Variants in PDE4D observed in about 807,000 individuals in gnomAD.
The protein encoded by PDE4D is 3',5'-cyclic-AMP phosphodiesterase 4D.
Under a neutral mutation model 87.4 loss-of-function variants are expected in PDE4D, and 24 were observed. The observed-to-expected ratio is 0.27, with a 90% CI of 0.20 to 0.39. PDE4D has a LOEUF of 0.39. Among genes scored for constraint, PDE4D ranks in the 10% least tolerant of loss-of-function variants. PDE4D has a pLI of 1.00. For synonymous variants in PDE4D, 384 were observed against 383.2 expected, an observed-to-expected ratio of 1.00 and a Z score of -0.02; for missense variants, 714 against 1,041.0, an observed-to-expected ratio of 0.69 and a Z score of 4.32.
At chr5:59,422,798 G>A (rs1161836578) in intron 1 of PDE4D, among the ~76,000 whole-genome samples, 1 of 152,158 alleles carries the variant, frequency 6.6e-6, no homozygotes, top group Admixed American at 6.5e-5. Flanking sequence ...ATGGATAAAT[G>A]CTGAACTGAT....
At chr5:59,339,949 TAA>T (rs572252229) in intron 1 of PDE4D, among the ~76,000 whole-genome samples, 1 of 144,908 alleles carries the variant, frequency 6.9e-6, no homozygotes. Context: ...TTGTTTTGTT[TAA>T]AAAAAAAAAA....
chr5:60,228,359 T>C (rs1312203505), intron 1 of PDE4D, among the ~76,000 whole-genome samples: 1 of 152,130 alleles, frequency 6.6e-6, no homozygotes, highest in African/African-American at 2.4e-5. Context: ...GCCCTACTAA[T>C]AGGAACTAGG....
rs183615223 is a variant in PDE4D at position 59,255,427 on chromosome 5, T to C, written c.456-39459A>G. On this transcript the variant is annotated intron_variant, in intron 1 of 14. Coordinates refer to ENST00000340635, the MANE Select transcript of PDE4D (RefSeq NM_001104631.2). ...TGGGGTGGAAGGGAGGCAGGTGATA[T>C]GGAGCAGGTAATGGGGGAGATGGAG... Among the ~76,000 whole-genome samples, 3 of 152,126 alleles carry C rather than the reference T, an allele frequency of 2.0e-5. No homozygotes were observed. In the South Asian group the frequency reaches 6.2e-4, roughly 32 times the overall value.
chr5:59,217,799 G>T (rs1178491030), intron 1 of PDE4D, among the ~76,000 whole-genome samples: 1 of 152,154 alleles, frequency 6.6e-6, no homozygotes, highest in Non-Finnish European at 1.5e-5. Context: ...CACCAGAATA[G>T]GATAGGCACA....
At chr5:59,489,400 T>C (rs886697214) in intron 1 of PDE4D, among the ~76,000 whole-genome samples, 13 of 152,216 alleles carry the variant, frequency 8.5e-5, no homozygotes, top group African/African-American at 3.1e-4. Flanking sequence ...AGACAGTAAT[T>C]AGTTTCTTTC....
intron 1 of PDE4D, among the ~76,000 whole-genome samples, chr5:59,379,461 C>A (rs1358176424): frequency 6.6e-6 from 1 of 151,452 alleles, no homozygotes; most frequent in Non-Finnish European, 1.5e-5. Flanking sequence ...GTAAATCTGG[C>A]TCATTTTCTT....
intron 2 of PDE4D, among the ~76,000 whole-genome samples, chr5:60,007,529 T>C (rs1202613246): frequency 6.6e-6 from 1 of 152,002 alleles, no homozygotes; most frequent in Non-Finnish European, 1.5e-5. Flanking sequence ...ATACCATAAA[T>C]AAATAACTGG....
intron 1 of PDE4D, among the ~76,000 whole-genome samples, chr5:60,252,728 A>G (rs1748616628): frequency 6.6e-6 from 1 of 151,802 alleles, no homozygotes; most frequent in Admixed American, 6.6e-5. Flanking sequence ...AGAGAGCAGG[A>G]ACTGTCTAGA....
intron 2 of PDE4D, among the ~76,000 whole-genome samples, chr5:60,084,620 C>T (rs1055326208): frequency 1.3e-5 from 2 of 152,314 alleles, no homozygotes; most frequent in South Asian, 2.1e-4. Context: ...TACAGAGCAA[C>T]TACTTAAAAG....
At chr5:60,193,462 A>G (rs1785358339) in intron 1 of PDE4D, among the ~76,000 whole-genome samples, 1 of 152,046 alleles carries the variant, frequency 6.6e-6, no homozygotes, top group African/African-American at 2.4e-5. Context: ...CGAGGTCAGG[A>G]GATCGAGACC....
At chr5:59,989,728 T>C (rs974640259) in intron 2 of PDE4D, among the ~76,000 whole-genome samples, 1 of 152,160 alleles carries the variant, frequency 6.6e-6, no homozygotes, top group Non-Finnish European at 1.5e-5. Flanking sequence ...TACTATCACA[T>C]GAGCAATAAT....
chr5:58,975,161 C>T lies in PDE4D; in HGVS notation c.2014-81G>A, dbSNP rs765918890. On this transcript the variant is annotated intron_variant, in intron 14 of 14. Transcript: ENST00000340635. The surrounding 1 kb of genome is among the most constrained non-coding windows in gnomAD (Gnocchi z 4.2). ...AAAAGCTTAATTAGATCATGGCCCA[C>T]AAATAAAACACTGAACAGAAGACTA... 238 of 783,958 alleles carry T rather than the reference C, an allele frequency of 3.0e-4. No individual in the cohort carries two copies. Among genetic ancestry groups the T allele is most frequent in the Non-Finnish European group, 4.4e-4 (233 of 530,314 alleles). 48.6% of individuals were successfully genotyped at this position (783,958 alleles called of 1,614,324 possible).
chr5:60,218,894 G>A (rs1744177852), intron 1 of PDE4D, among the ~76,000 whole-genome samples: 1 of 152,196 alleles, frequency 6.6e-6, no homozygotes, highest in East Asian at 1.9e-4. Flanking sequence ...GTATACTGGT[G>A]AATTCTGTCT....
chr5:60,069,864 T>C (rs947766506), intron 2 of PDE4D, among the ~76,000 whole-genome samples: 3 of 152,166 alleles, frequency 2.0e-5, no homozygotes, highest in African/African-American at 7.2e-5. Context: ...TGTTTTGTAG[T>C]TTTTAATACA....
intron 1 of PDE4D, among the ~76,000 whole-genome samples, chr5:59,363,565 T>C (rs1278381919): frequency 2.0e-5 from 3 of 152,156 alleles, no homozygotes; most frequent in Admixed American, 6.5e-5. Flanking sequence ...GGAAAAACAA[T>C]TGGTGTCAGG....
At chr5:59,267,422 A>G (rs1763028469) in intron 1 of PDE4D, among the ~76,000 whole-genome samples, 1 of 152,114 alleles carries the variant, frequency 6.6e-6, no homozygotes, top group Non-Finnish European at 1.5e-5. Context: ...TATTTTAAAC[A>G]AGAAAGAGAA....
intron 1 of PDE4D, among the ~76,000 whole-genome samples, chr5:59,869,526 T>C (rs1205668078): frequency 6.6e-6 from 1 of 152,176 alleles, no homozygotes; most frequent in Non-Finnish European, 1.5e-5. Context: ...TCCATATTTA[T>C]AATGAGAGCA....
chr5:58,988,455 A>C (rs1747031585), intron 11 of PDE4D, 38 bp downstream of exon 11: 1 of 865,404 alleles, frequency 1.2e-6, no homozygotes, highest in African/African-American at 1.7e-5. Context: ...AAAATGTACA[A>C]GGGAAAAATG....
At chr5:59,927,901 CT>C (rs1755466566) in intron 3 of PDE4D, among the ~76,000 whole-genome samples, 1 of 152,104 alleles carries the variant, frequency 6.6e-6, no homozygotes, top group South Asian at 2.1e-4. Context: ...CATAAGCTGC[CT>C]TGATTAATGA....
Sources: gnomAD v4.1 joint callset for allele counts (sites outside exome capture counted in the v4.1 genomes callset) on GRCh38, gnomAD v4.1.1 for gene constraint, Gnocchi (gnomAD v3.1) non-coding constraint, MANE v1.5 for transcripts, NCBI Gene and HGNC (gene_info 2026-07-23, HGNC 2026-07-21) for gene names.